CCM2L: variants seen among roughly 807,000 people sequenced by gnomAD.
CCM2L encodes the protein cerebral cavernous malformations 2 protein-like.
Under a neutral mutation model 54.1 loss-of-function variants are expected in CCM2L, and 36 were observed. The observed-to-expected ratio is 0.67, with a 90% CI of 0.51 to 0.88. The LOEUF is 0.88. Ranked by LOEUF, CCM2L falls within the 40% of genes least tolerant of loss-of-function variation. CCM2L has a pLI of 0.00. For missense variants in CCM2L, 700 were observed against 812.1 expected (o/e 0.86, Z 1.68); for synonymous variants, 351 against 359.3 (o/e 0.98, Z 0.26).
chr20:32,013,093 G>A (rs1026647965), intron 1 of CCM2L, among the ~76,000 whole-genome samples: 7 of 152,158 alleles, frequency 4.6e-5, no homozygotes, highest in African/African-American at 1.7e-4. Flanking sequence ...GAGCTCAGGA[G>A]TTCAAGCCAG....
chr20:32,025,713 G>T, intron 6 of CCM2L, 143 bp from the exon 7 acceptor site: 1 of 441,540 alleles, frequency 2.3e-6, no homozygotes, highest in South Asian at 1.8e-5. Context: ...GAGAGGGGAG[G>T]GGAGTTCCCC....
intron 1 of CCM2L, among the ~76,000 whole-genome samples, chr20:32,011,102 A>C (rs2064690850): frequency 4.0e-5 from 6 of 149,060 alleles, no homozygotes; most frequent in Admixed American, 6.7e-5. Flanking sequence ...TCTTACCCCC[A>C]TTTCCACCCT....
intron 1 of CCM2L, among the ~76,000 whole-genome samples, chr20:32,012,373 C>G (rs2064702353): frequency 6.6e-6 from 1 of 152,166 alleles, no homozygotes; most frequent in East Asian, 1.9e-4. Flanking sequence ...GACTGGGCAA[C>G]ATAGTAAGAC....
intron 1 of CCM2L, among the ~76,000 whole-genome samples, chr20:32,013,783 G>A (rs187096700): frequency 3.2e-4 from 48 of 152,208 alleles, no homozygotes; most frequent in African/African-American, 9.4e-4. Context: ...AGCCAGGGCT[G>A]GGAGCGACTG....
intron 1 of CCM2L, among the ~76,000 whole-genome samples, chr20:32,011,099 C>A (rs1037995218): frequency 6.6e-6 from 1 of 152,014 alleles, no homozygotes; most frequent in African/African-American, 2.4e-5. Context: ...CCATCTTACC[C>A]CCATTTCCAC....
At chr20:32,025,044 CCT>C (rs370205390) in intron 6 of CCM2L, among the ~76,000 whole-genome samples, 125 of 148,996 alleles carry the variant, frequency 8.4e-4, no homozygotes, top group African/African-American at 3.0e-3. Context: ...CAAGTTTCTT[CCT>C]CTCTTTCTTC....
intron 2 of CCM2L, among the ~76,000 whole-genome samples, chr20:32,016,005 C>T (rs539129908): frequency 1.3e-5 from 2 of 152,144 alleles, no homozygotes; most frequent in East Asian, 3.9e-4. Flanking sequence ...TACCGGCACG[C>T]ACCACCACAC....
At chr20:32,018,358 T>C (rs1219662520) in intron 4 of CCM2L, among the ~76,000 whole-genome samples, 196 bp downstream of exon 4, 1 of 151,936 alleles carries the variant, frequency 6.6e-6, no homozygotes, top group Non-Finnish European at 1.5e-5. Context: ...CCGAAGAGGC[T>C]CTGGGAAAGC....
rs749268099 is a variant in CCM2L at position 32,019,232 on chromosome 20, AGGCGGCGGCGGC to A, written c.767_778del (p.Gly256_Gly259del). 3.5e-6 allele frequency: 4 copies of A among 1,153,696 alleles called. No homozygotes were observed. Among genetic ancestry groups the A allele is most frequent in the East Asian group, 6.8e-5 (2 of 29,350 alleles). The allele number at this position is 1,153,696 out of a possible 1,614,324, so 71.5% of individuals were successfully genotyped here. A position where few individuals can be genotyped will look rare whatever the true frequency, so the allele number is the denominator to read the frequency against. On this transcript the variant is annotated inframe_deletion, in exon 5 of 10. Transcript: ENST00000452892. ...GCGGCAGCTGGGAGCGGCGGCACGG[AGGCGGCGGCGGC>A]GGCGGCGGCGCGGGAAAGCCGGGCG...
intron 2 of CCM2L, among the ~76,000 whole-genome samples, chr20:32,017,513 C>T (rs2064750174): frequency 6.6e-6 from 1 of 152,114 alleles, no homozygotes; most frequent in South Asian, 2.1e-4. Context: ...CATGTGGATC[C>T]CAGTTTGATC....
At chr20:32,012,035 T>C (rs1203674737) in intron 1 of CCM2L, among the ~76,000 whole-genome samples, 3 of 151,926 alleles carry the variant, frequency 2.0e-5, no homozygotes, top group South Asian at 4.2e-4. Context: ...TCATCCAGCC[T>C]TTGAGGCATC....
At chr20:32,014,722 CTT>C (rs1159580064) in intron 1 of CCM2L, among the ~76,000 whole-genome samples, 180 bp from the exon 2 acceptor site, 11 of 152,188 alleles carry the variant, frequency 7.2e-5, no homozygotes, top group Non-Finnish European at 1.5e-5. Context: ...TAGCTGGTGA[CTT>C]TATCAGTTAG....
At chr20:32,018,189 G>A in intron 4 of CCM2L, 27 bp downstream of exon 4, 1 of 414,506 alleles carries the variant, frequency 2.4e-6, no homozygotes, top group Non-Finnish European at 3.4e-6. Context: ...CGGGGGCGGG[G>A]GAGGGGCGGG....
chr20:32,030,893 C>T (rs535246127), intron 9 of CCM2L, 108 bp from the exon 10 acceptor site: 1 of 985,716 alleles, frequency 1.0e-6, no homozygotes, highest in East Asian at 6.1e-5. Flanking sequence ...GCCACACAGC[C>T]AGTGAGTGAC....
At chr20:32,029,499 A>C (rs1315432207) in intron 8 of CCM2L, among the ~76,000 whole-genome samples, 1 of 152,142 alleles carries the variant, frequency 6.6e-6, no homozygotes, top group Non-Finnish European at 1.5e-5. Flanking sequence ...AGGGGTCAAG[A>C]TTTGCACTCA....
chr20:32,019,205 CAGCGGCAGCTGGG>C lies in CCM2L; in HGVS notation c.736_748del (p.Ser246GlyfsTer59). On this transcript the variant is annotated frameshift_variant, in exon 5 of 10. Coordinates refer to ENST00000452892, the MANE Select transcript of CCM2L (RefSeq NM_001365692.1). LOFTEE classifies it high-confidence loss of function. The stretch of plus-strand genomic sequence containing the variant: ...GCAGCTGGGAGCGACGGCAGACGTT[CAGCGGCAGCTGGG>C]AGCGGCGGCACGGAGGCGGCGGCGG... 6.1e-6 allele frequency: 7 copies of C among 1,144,602 alleles called. No homozygotes were observed. The highest frequency in any genetic ancestry group is 3.2e-5 in the African/African-American group (2 of 61,666). 70.9% of individuals were successfully genotyped at this position (1,144,602 alleles called of 1,614,324 possible).
intron 5 of CCM2L, among the ~76,000 whole-genome samples, chr20:32,020,336 C>T (rs1277085867): frequency 6.6e-6 from 1 of 152,220 alleles, no homozygotes; most frequent in Non-Finnish European, 1.5e-5. Context: ...CCTCACTTGG[C>T]TTCCAGCTCT....
chr20:32,014,838 T>C, intron 1 of CCM2L, 66 bp from the exon 2 acceptor site: 1 of 1,431,028 alleles, frequency 7.0e-7, no homozygotes, highest in Non-Finnish European at 9.4e-7. Context: ...TAAGTAAAAG[T>C]GAGCATAGTA....
intron 4 of CCM2L, 41 bp from the exon 5 acceptor site, chr20:32,018,902 G>A: frequency 1.6e-6 from 2 of 1,269,668 alleles, no homozygotes; most frequent in Non-Finnish European, 2.0e-6. Flanking sequence ...GGGTCTCTGA[G>A]TCCCGATCCC....
Sources: allele counts gnomAD v4.1 joint callset (sites outside exome capture counted in the v4.1 genomes callset), GRCh38; gene constraint gnomAD v4.1.1; transcripts MANE v1.5; gene names NCBI Gene and HGNC (gene_info 2026-07-23, HGNC 2026-07-21).